EIF5B: variants seen among roughly 807,000 people sequenced by gnomAD.
EIF5B encodes the protein eukaryotic translation initiation factor 5B, also known as eIF-5B.
Under a neutral mutation model 147.5 loss-of-function variants are expected in EIF5B, and 47 were observed. The observed-to-expected ratio is 0.32, with a 90% CI of 0.25 to 0.41. The LOEUF (loss-of-function observed/expected upper bound fraction) is 0.41, where lower values mean the gene tolerates loss of function less well. Among genes scored for constraint, EIF5B ranks in the 10% least tolerant of loss-of-function variants. The probability of loss-of-function intolerance (pLI) is 1.00; values close to 1 mark genes in which losing one functional copy is unlikely to be tolerated. For missense variants in EIF5B, 1,064 were observed against 1,413.2 expected (o/e 0.75, Z 3.96); for synonymous variants, 455 against 456.2 (o/e 1.00, Z 0.03).
intron 21 of EIF5B, 82 bp from the exon 22 acceptor site, chr2:99,396,678 A>G: frequency 1.3e-6 from 2 of 1,491,404 alleles, no homozygotes; most frequent in Admixed American, 4.5e-5. Context: ...CTAATGGGAG[A>G]AGCCTGATGT....
chr2:99,346,871 A>G (rs751764741), intron 1 of EIF5B, among the ~76,000 whole-genome samples: 1 of 150,748 alleles, frequency 6.6e-6, no homozygotes, highest in Non-Finnish European at 1.5e-5. Flanking sequence ...CGCCTGGCCC[A>G]TATAAGTTGT....
At chr2:99,376,080 C>A (rs1156500197) in intron 9 of EIF5B, among the ~76,000 whole-genome samples, 4 of 152,192 alleles carry the variant, frequency 2.6e-5, no homozygotes, top group Non-Finnish European at 4.4e-5. Context: ...CCACATGCAG[C>A]CCAGGATGGC....
intron 10 of EIF5B, among the ~76,000 whole-genome samples, chr2:99,377,578 A>G (rs1373505091): frequency 2.0e-5 from 3 of 151,712 alleles, no homozygotes; most frequent in African/African-American, 4.8e-5. Flanking sequence ...CCATATACCC[A>G]TGTTCGAGAG....
chr2:99,394,666 G>C, intron 20 of EIF5B, 53 bp from the exon 21 acceptor site: 1 of 1,610,468 alleles, frequency 6.2e-7, no homozygotes, highest in Non-Finnish European at 8.5e-7. Flanking sequence ...ACTGTCCTCT[G>C]TGACATACTC....
intron 1 of EIF5B, among the ~76,000 whole-genome samples, chr2:99,338,088 A>T (rs571129481): frequency 6.6e-6 from 1 of 152,182 alleles, no homozygotes; most frequent in Non-Finnish European, 1.5e-5. Context: ...CTGTCTCTCA[A>T]CTTAATCTGA....
At position 99,337,599 on chromosome 2, in the gene EIF5B, G is replaced by A. The variant is rs574649782; in HGVS notation, c.35+10G>A. The A allele has an allele frequency of 1.9e-6, 3 of 1,610,964 alleles. No individual in the cohort carries two copies. Among genetic ancestry groups the A allele is most frequent in the Non-Finnish European group, 1.7e-6 (2 of 1,178,634 alleles). On this transcript the variant is annotated intron_variant, in intron 1 of 23. Transcript: ENST00000289371. The stretch of plus-strand genomic sequence containing the variant: ...ACAAGAGCGAAGACAGGTAGATAGG[G>A]GTTGGGTCCGTACGGCGGCGGCCGC...
At chr2:99,337,621 C>G (rs540154284) in intron 1 of EIF5B, 32 bp downstream of exon 1, 1 of 1,596,190 alleles carries the variant, frequency 6.3e-7, no homozygotes, top group Admixed American at 1.7e-5. Context: ...ACGGCGGCGG[C>G]CGCCGTGGCT....
chr2:99,386,385 A>G (rs946331921), intron 14 of EIF5B, among the ~76,000 whole-genome samples: 2 of 152,120 alleles, frequency 1.3e-5, no homozygotes, highest in Non-Finnish European at 2.9e-5. Flanking sequence ...TTCTATGTAT[A>G]TAATTCCTTT....
Position 99,369,467 on chromosome 2 carries a change from CT to C in EIF5B, c.1464del (p.Pro489LeufsTer30). 1 of 1,609,594 alleles carries C rather than the reference CT, an allele frequency of 6.2e-7. No individual in the cohort carries two copies. The highest frequency in any genetic ancestry group is 8.5e-7 in the Non-Finnish European group (1 of 1,176,974). On this transcript the variant is annotated frameshift_variant, in exon 8 of 24. Coordinates refer to ENST00000289371, the MANE Select transcript of EIF5B (RefSeq NM_015904.4). LOFTEE classifies it high-confidence loss of function. ...QGVPEKEETPPPVEPEEEEDT... is the reference protein window; with the variant it reads ...QGVPEKEETPXPVEPEEEEDT... Reference sequence around the variant, plus strand: ...GTACCAGAAAAGGAAGAGACACCACCTCCTGTTGAACCAGGCGGGTAGTGTT... The same window carrying C: ...GTACCAGAAAAGGAAGAGACACCACCCCTGTTGAACCAGGCGGGTAGTGTT...
At chr2:99,359,232 G>C (rs1674153791) in intron 1 of EIF5B, among the ~76,000 whole-genome samples, 5 of 151,670 alleles carry the variant, frequency 3.3e-5, no homozygotes, top group Admixed American at 3.3e-4. Flanking sequence ...AACCGGGCAT[G>C]GTGGCGGGCT....
chr2:99,392,442 A>G (rs1039033723), intron 17 of EIF5B, among the ~76,000 whole-genome samples: 1 of 152,188 alleles, frequency 6.6e-6, no homozygotes, highest in Non-Finnish European at 1.5e-5. Context: ...AGTGAAGGCC[A>G]CACTTGTCTA....
At chr2:99,340,209 C>T (rs1480242922) in intron 1 of EIF5B, among the ~76,000 whole-genome samples, 2 of 152,160 alleles carry the variant, frequency 1.3e-5, no homozygotes, top group Non-Finnish European at 2.9e-5. Context: ...AGTTCCACTG[C>T]TTTGTGAGTC....
chr2:99,349,087 TGCCAGGTTAAGGCCTAG>T (rs2094278879), intron 1 of EIF5B, among the ~76,000 whole-genome samples: 1 of 152,242 alleles, frequency 6.6e-6, no homozygotes, highest in South Asian at 2.1e-4. Context: ...GACAGGAAGC[TGCCAGGTTAAGGCCTAG>T]GCCTAGAAAC....
Position 99,346,011 on chromosome 2 carries a change from C to T in EIF5B, c.35+8422C>T, listed in dbSNP as rs185644816. On this transcript the variant is annotated intron_variant, in intron 1 of 23. Coordinates refer to ENST00000289371, the MANE Select transcript of EIF5B (RefSeq NM_015904.4). The stretch of plus-strand genomic sequence containing the variant: ...AGTTTGCTGTTCTCAAAGGGAGTTA[C>T]GTTTTAACATAGCAAATAGGCATAT... Among the ~76,000 whole-genome samples, 84 of 151,614 alleles carry T rather than the reference C, an allele frequency of 5.5e-4. 1 individual carries two copies. Among genetic ancestry groups the T allele is most frequent in the Admixed American group, 1.6e-3 (25 of 15,234 alleles).
At position 99,371,672 on chromosome 2, in the gene EIF5B, T is replaced by C. The variant is rs1674454859; in HGVS notation, c.1494T>C (p.Thr498=). ...TACTTACAGAAGAAGAAGAAGATAC[T>C]GAGGATGCTGGATTGGATGATTGGG... ...PPVEPEEEED[T]EDAGLDDWEA... The change falls in exon 9 of 24, where the codon ACT becomes ACC. Residue 498 remains threonine, a synonymous_variant. Coordinates refer to ENST00000289371, the MANE Select transcript of EIF5B (RefSeq NM_015904.4). 2 of 1,612,616 alleles carry C rather than the reference T, an allele frequency of 1.2e-6. No individual in the cohort carries two copies. Among genetic ancestry groups the C allele is most frequent in the Non-Finnish European group, 8.5e-7 (1 of 1,179,304 alleles).
intron 6 of EIF5B, among the ~76,000 whole-genome samples, chr2:99,366,897 C>G (rs904883087): frequency 2.2e-4 from 33 of 152,144 alleles, no homozygotes; most frequent in Non-Finnish European, 4.0e-4. Flanking sequence ...GATAAATAGT[C>G]TATACATGGT....
intron 8 of EIF5B, among the ~76,000 whole-genome samples, chr2:99,369,794 G>GTGAA (rs1674406649): frequency 6.6e-6 from 1 of 152,158 alleles, no homozygotes; most frequent in South Asian, 2.1e-4. Context: ...GGCTAACACG[G>GTGAA]TGAAACTCCA....
intron 1 of EIF5B, among the ~76,000 whole-genome samples, chr2:99,342,572 AT>A (rs1208116478): frequency 5.3e-5 from 8 of 151,078 alleles, no homozygotes; most frequent in Non-Finnish European, 1.2e-4. Flanking sequence ...TAATGTAATC[AT>A]TCCTCCCCCT....
chr2:99,376,139 CT>C (rs576603491), intron 9 of EIF5B, among the ~76,000 whole-genome samples: 1 of 151,822 alleles, frequency 6.6e-6, no homozygotes, highest in African/African-American at 2.4e-5. Flanking sequence ...AAACGTGAGA[CT>C]TTTTTTTGTG....
Sources: allele counts gnomAD v4.1 joint callset (sites outside exome capture counted in the v4.1 genomes callset), GRCh38; gene constraint gnomAD v4.1.1; transcripts MANE v1.5; gene names NCBI Gene and HGNC (gene_info 2026-07-23, HGNC 2026-07-21).